ANO6: variants seen among roughly 807,000 people sequenced by gnomAD.
The protein encoded by ANO6 is anoctamin 6.
Under a neutral mutation model 117.5 loss-of-function variants are expected in ANO6, and 106 were observed. The ratio of observed to expected loss-of-function variants is 0.90; its 90% confidence interval spans 0.77 to 1.06. The LOEUF (loss-of-function observed/expected upper bound fraction) is 1.06. ANO6 is among the 50% of genes least tolerant of loss of function. The probability of loss-of-function intolerance (pLI) is 0.00; values close to 1 mark genes in which losing one functional copy is unlikely to be tolerated. For synonymous variants in ANO6, 367 were observed against 385.1 expected, an observed-to-expected ratio of 0.95 and a Z score of 0.55; for missense variants, 955 against 1,121.1, an observed-to-expected ratio of 0.85 and a Z score of 2.12.
At chr12:45,376,730 A>G (rs1372725140) in intron 9 of ANO6, among the ~76,000 whole-genome samples, 1 of 150,732 alleles carries the variant, frequency 6.6e-6, no homozygotes, top group East Asian at 2.0e-4. Flanking sequence ...GAGGGATAGC[A>G]TTGGGAGGTA....
chr12:45,245,159 A>G (rs1415086950), intron 1 of ANO6, among the ~76,000 whole-genome samples: 5 of 152,182 alleles, frequency 3.3e-5, no homozygotes, highest in Non-Finnish European at 2.9e-5. Context: ...AGTTCCTGAA[A>G]CCACCTTTGT....
chr12:45,330,635 C>G (rs891593102), intron 2 of ANO6, among the ~76,000 whole-genome samples: 9 of 152,176 alleles, frequency 5.9e-5, no homozygotes, highest in African/African-American at 1.9e-4. Context: ...ATTTTAAGCT[C>G]TAAACTAAAG....
chr12:45,312,895 G>A (rs1939892848), intron 2 of ANO6, among the ~76,000 whole-genome samples: 1 of 152,034 alleles, frequency 6.6e-6, no homozygotes, highest in Non-Finnish European at 1.5e-5. Context: ...CATACTTGTA[G>A]CTGGAATAAA....
Position 45,348,512 on chromosome 12 carries a change from T to C in ANO6, c.634-6T>C, listed in dbSNP as rs1941202672. On this transcript the variant is annotated splice_polypyrimidine_tract_variant and splice_region_variant and intron_variant, in intron 5 of 19. Transcript: ENST00000320560. The stretch of plus-strand genomic sequence containing the variant: ...AACCGCATACTCTATTTTGGAATCT[T>C]TTTAGGTTTACTTCATCCTCTCTCG... 1 of 1,611,566 alleles carries C rather than the reference T, an allele frequency of 6.2e-7. No individual in the cohort carries two copies. The highest frequency in any genetic ancestry group is 8.5e-7 in the Non-Finnish European group (1 of 1,177,888).
intron 8 of ANO6, among the ~76,000 whole-genome samples, chr12:45,358,722 TA>T (rs1369954026): frequency 7.2e-5 from 11 of 152,168 alleles, no homozygotes; most frequent in Non-Finnish European, 1.5e-4. Flanking sequence ...ATCTAAATTA[TA>T]AATATTTTCA....
At chr12:45,362,428 A>G (rs1375713485) in intron 8 of ANO6, among the ~76,000 whole-genome samples, 1 of 151,992 alleles carries the variant, frequency 6.6e-6, no homozygotes, top group Non-Finnish European at 1.5e-5. Context: ...ATCTTTTCAA[A>G]GAACCAACTT....
intron 19 of ANO6, among the ~76,000 whole-genome samples, chr12:45,425,363 T>C (rs1943475341): frequency 6.6e-6 from 1 of 152,036 alleles, no homozygotes; most frequent in South Asian, 2.1e-4. Context: ...TGAACATGGA[T>C]AAAAGAAATG....
intron 1 of ANO6, among the ~76,000 whole-genome samples, chr12:45,217,252 G>T (rs1006777175): frequency 6.6e-6 from 1 of 152,178 alleles, no homozygotes; most frequent in African/African-American, 2.4e-5. Context: ...ATGATATAAT[G>T]TGTCCCTCCA....
intron 2 of ANO6, among the ~76,000 whole-genome samples, chr12:45,312,383 AAGAC>A (rs1302052169): frequency 2.0e-5 from 3 of 152,094 alleles, no homozygotes; most frequent in Admixed American, 2.0e-4. Flanking sequence ...TTTAAAGAGA[AAGAC>A]AGAACTTGGT....
Position 45,432,137 on chromosome 12 carries a change from A to G in ANO6, c.*2826A>G. On this transcript the variant is annotated 3_prime_UTR_variant, in exon 20 of 20. Coordinates refer to ENST00000320560, the MANE Select transcript of ANO6 (RefSeq NM_001025356.3). ...TCTTGTACCATTTTATGTTCATATT[A>G]TGTTTGAGAGGGTAAAAATGTATGA... 2.0e-6 allele frequency: 2 copies of G among 985,372 alleles called. No homozygotes were observed. The highest frequency in any genetic ancestry group is 2.4e-6 in the Non-Finnish European group (2 of 829,914). The allele number at this position is 985,372 out of a possible 1,614,324, so 61.0% of individuals were successfully genotyped here. A position where few individuals can be genotyped will look rare whatever the true frequency, so the allele number is the denominator to read the frequency against.
In ANO6 at chr12:45,401,966, A is replaced by G; in HGVS notation, c.1558A>G (p.Ile520Val). The G allele has an allele frequency of 6.2e-7, 1 of 1,614,108 alleles. No individual in the cohort carries two copies. The highest frequency in any genetic ancestry group is 1.1e-5 in the South Asian group (1 of 91,066). ...ITASIISFII[I>V]MILNTIYEKV... is the part of the protein sequence containing the mutation. The stretch of plus-strand genomic sequence containing the variant: ...GGCCTCCATCATCAGCTTTATAATT[A>G]TCATGATTCTGAACACCATATATGA... The change falls in exon 13 of 20, where the codon ATC becomes GTC. Residue 520 changes from isoleucine to valine, a missense_variant. Transcript: ENST00000320560.
At chr12:45,364,607 T>C (rs1941637960) in intron 8 of ANO6, among the ~76,000 whole-genome samples, 1 of 152,222 alleles carries the variant, frequency 6.6e-6, no homozygotes, top group Non-Finnish European at 1.5e-5. Context: ...TTTTTTATTT[T>C]AGTTATTGTA....
chr12:45,363,205 A>G (rs2137493370), intron 8 of ANO6, among the ~76,000 whole-genome samples: 1 of 152,166 alleles, frequency 6.6e-6, no homozygotes, highest in African/African-American at 2.4e-5. Flanking sequence ...TTCCTTGAAT[A>G]TTATGTCAGC....
In ANO6 at chr12:45,331,442, T is replaced by G; in HGVS notation, c.279+19T>G. 6.3e-7 allele frequency: 1 copy of G among 1,586,354 alleles called. No individual in the cohort carries two copies. Among genetic ancestry groups the G allele is most frequent in the Non-Finnish European group, 8.6e-7 (1 of 1,163,760 alleles). On this transcript the variant is annotated intron_variant, in intron 3 of 19. Transcript: ENST00000320560. ...ACAAAGGGTAAGTTTTTATGCTATT[T>G]TCCTTTCTTTTTATTTCTTATATTG...
At chr12:45,296,699 G>A (rs183788617) in intron 1 of ANO6, among the ~76,000 whole-genome samples, 2 of 152,222 alleles carry the variant, frequency 1.3e-5, no homozygotes, top group African/African-American at 2.4e-5. Context: ...ACAAATTAAT[G>A]TATTTTAAAA....
downstream of ANO6, among the ~76,000 whole-genome samples, chr12:45,435,325 T>C (rs1943695126): frequency 6.6e-6 from 1 of 152,202 alleles, no homozygotes; most frequent in Non-Finnish European, 1.5e-5. Context: ...CTGCACCTAA[T>C]AGTAAAAGAG....
chr12:45,246,758 A>AT (rs1947831275), intron 1 of ANO6, among the ~76,000 whole-genome samples: 1 of 129,802 alleles, frequency 7.7e-6, no homozygotes, highest in African/African-American at 3.0e-5. Context: ...GTTCCACCCT[A>AT]CTTTTTTTTT....
chr12:45,381,175 C>A (rs1942158945), intron 10 of ANO6, among the ~76,000 whole-genome samples: 1 of 152,136 alleles, frequency 6.6e-6, no homozygotes, highest in African/African-American at 2.4e-5. Context: ...TGCTCTGAAA[C>A]CTTTTTATGT....
At position 45,431,708 on chromosome 12, in the gene ANO6, G is replaced by A; in HGVS notation, c.*2397G>A. On this transcript the variant is annotated 3_prime_UTR_variant, in exon 20 of 20. Coordinates refer to ENST00000320560, the MANE Select transcript of ANO6 (RefSeq NM_001025356.3). ...GTGATAAAGAAAAGCATGGAGCTGTGTCTGCAGACAATGGTGGCTGCATCT... is the reference window on the plus strand; with the variant it reads ...GTGATAAAGAAAAGCATGGAGCTGTATCTGCAGACAATGGTGGCTGCATCT... 2.0e-6 allele frequency: 2 copies of A among 985,464 alleles called. No individual in the cohort carries two copies. The highest frequency in any genetic ancestry group is 2.4e-6 in the Non-Finnish European group (2 of 829,954). The allele number at this position is 985,464 out of a possible 1,614,324, so 61.0% of individuals were successfully genotyped here. A position where few individuals can be genotyped will look rare whatever the true frequency, so the allele number is the denominator to read the frequency against.
Sources: allele counts gnomAD v4.1 joint callset (sites outside exome capture counted in the v4.1 genomes callset), GRCh38; gene constraint gnomAD v4.1.1; transcripts MANE v1.5; gene names NCBI Gene and HGNC (gene_info 2026-07-23, HGNC 2026-07-21).